Variants in NPLOC4 observed in about 807,000 individuals in gnomAD.
The protein encoded by NPLOC4 is nuclear protein localization protein 4 homolog.
A neutral mutation model predicts 80.6 loss-of-function variants in NPLOC4; 18 were observed. That is an observed-to-expected ratio of 0.22 (90% CI 0.15 to 0.33). NPLOC4 has a LOEUF of 0.33. NPLOC4 is among the 10% of genes least tolerant of loss of function. The pLI, the probability that NPLOC4 is intolerant of heterozygous loss-of-function variation, is 1.00. For synonymous variants in NPLOC4, 313 were observed against 301.5 expected (o/e 1.04, Z -0.39); for missense variants, 540 against 786.1 (o/e 0.69, Z 3.74).
At chr17:81,606,481 G>A (rs2035207052) in intron 7 of NPLOC4, among the ~76,000 whole-genome samples, 1 of 152,134 alleles carries the variant, frequency 6.6e-6, no homozygotes. Flanking sequence ...ACAGAGAACT[G>A]AGGGCGCGCA....
intron 8 of NPLOC4, among the ~76,000 whole-genome samples, chr17:81,603,964 T>C (rs796498366): frequency 1.7e-4 from 26 of 152,288 alleles, no homozygotes; most frequent in African/African-American, 5.5e-4. Flanking sequence ...AGAAATACAA[T>C]GTGTAACTAG....
At chr17:81,629,000 T>G (rs143588599) in intron 2 of NPLOC4, among the ~76,000 whole-genome samples, 1,565 of 150,872 alleles carry the variant, frequency 0.01, 20 homozygotes, top group South Asian at 0.016. Flanking sequence ...TGCCTCAGCC[T>G]CACCAGCAGC....
chr17:81,587,457 A>C (rs2034611899), intron 12 of NPLOC4, among the ~76,000 whole-genome samples: 1 of 151,574 alleles, frequency 6.6e-6, no homozygotes, highest in Non-Finnish European at 1.5e-5. Flanking sequence ...CTGGAACTAC[A>C]GGCGCCTGCC....
chr17:81,636,976 C>T lies in NPLOC4; in HGVS notation c.-46G>A. The T allele has an allele frequency of 1.6e-6, 2 of 1,234,112 alleles. No individual in the cohort carries two copies. 76.4% of individuals were successfully genotyped at this position (1,234,112 alleles called of 1,614,324 possible). A position where few individuals can be genotyped will look rare whatever the true frequency, so the allele number is the denominator to read the frequency against. On this transcript the variant is annotated 5_prime_UTR_variant, in exon 1 of 17. Transcript: ENST00000331134. ...GGCTCGAGCCCCGGGCCGCCGCCGCCTGCCGCCCCAAGGGCCTCGCAGACC... is the reference window on the plus strand; with the variant it reads ...GGCTCGAGCCCCGGGCCGCCGCCGCTTGCCGCCCCAAGGGCCTCGCAGACC...
chr17:81,576,239 A>G (rs1442533697), intron 12 of NPLOC4, among the ~76,000 whole-genome samples: 1 of 152,256 alleles, frequency 6.6e-6, no homozygotes, highest in East Asian at 1.9e-4. Flanking sequence ...AAATAAAATT[A>G]AATCCTAAAA....
intron 13 of NPLOC4, among the ~76,000 whole-genome samples, chr17:81,570,268 A>T (rs902524473): frequency 2.0e-5 from 3 of 151,950 alleles, no homozygotes; most frequent in Non-Finnish European, 4.4e-5. Flanking sequence ...GCCTCACTTT[A>T]CTCTTCCTCA....
chr17:81,620,491 G>A (rs1293605371), intron 3 of NPLOC4, among the ~76,000 whole-genome samples: 4 of 152,170 alleles, frequency 2.6e-5, no homozygotes, highest in East Asian at 1.9e-4. Flanking sequence ...GCGAGACTCC[G>A]TCTCAAAAAA....
intron 1 of NPLOC4, among the ~76,000 whole-genome samples, chr17:81,632,478 A>G (rs566621757): frequency 1.3e-5 from 2 of 151,750 alleles, no homozygotes; most frequent in South Asian, 4.2e-4. Context: ...ACGCCTGGCT[A>G]ATTTTTAGTA....
chr17:81,574,935 A>G (rs916209544), intron 12 of NPLOC4, among the ~76,000 whole-genome samples: 2 of 152,204 alleles, frequency 1.3e-5, no homozygotes, highest in African/African-American at 4.8e-5. Flanking sequence ...TGCCAGGACA[A>G]CAGTGAATTC....
intron 7 of NPLOC4, among the ~76,000 whole-genome samples, chr17:81,605,280 C>CCA (rs2035173713): frequency 1.1e-5 from 1 of 93,440 alleles, no homozygotes. Context: ...AACTCCATCT[C>CCA]AAAAAAAAAA....
At chr17:81,589,683 G>A (rs2034683298) in intron 11 of NPLOC4, among the ~76,000 whole-genome samples, 1 of 151,842 alleles carries the variant, frequency 6.6e-6, no homozygotes, top group South Asian at 2.1e-4. Flanking sequence ...TGAGAATCTG[G>A]AAATCAAGAC....
At position 81,559,384 on chromosome 17, in the gene NPLOC4, C is replaced by T; in HGVS notation, c.1702G>A (p.Glu568Lys). The T allele has an allele frequency of 6.2e-7, 1 of 1,610,594 alleles. No homozygotes were observed. Among genetic ancestry groups the T allele is most frequent in the Non-Finnish European group, 8.5e-7 (1 of 1,178,670 alleles). Residue 568 changes from glutamate (E) to lysine (K), a missense_variant, in exon 17 of 17, where the codon GAG becomes AAG. Physicochemically the swap from Glu to Lys is moderately conservative, Grantham distance 56. Coordinates refer to ENST00000331134, the MANE Select transcript of NPLOC4 (RefSeq NM_017921.4). The part of the protein sequence containing the change: ...TVGGQLPGLH[E>K]YGAVGGSTHT... ...GTGGAGCCCCCGACGGCGCCGTACT[C>T]ATGGAGACCTGGGAGCTGCCCGCCA... is the stretch of plus-strand genomic sequence containing the variant.
Position 81,588,946 on chromosome 17 carries a change from T to G in NPLOC4, c.1279A>C (p.Lys427Gln), listed in dbSNP as rs2034661283. ...TCTTTTTCTTACCATACTTTTACCT[T>G]ATAAAACACATCAGGCACGTACTGC... is the stretch of plus-strand genomic sequence containing the variant. Reference protein sequence around the residue: ...SEQYVPDVFYKDVDKFGNEIT... With the variant: ...SEQYVPDVFYQDVDKFGNEIT... Residue 427 changes from lysine (K) to glutamine (Q), a missense_variant and splice_region_variant, in exon 12 of 17, where the codon AAG (lysine) becomes CAG (glutamine). Coordinates refer to ENST00000331134, the MANE Select transcript of NPLOC4 (RefSeq NM_017921.4). 1 of 1,612,048 alleles carries G rather than the reference T, an allele frequency of 6.2e-7. No homozygotes were observed. Among genetic ancestry groups the G allele is most frequent in the Non-Finnish European group, 8.5e-7 (1 of 1,179,064 alleles).
At chr17:81,618,751 G>A (rs1434835039) in intron 3 of NPLOC4, among the ~76,000 whole-genome samples, 1 of 151,790 alleles carries the variant, frequency 6.6e-6, no homozygotes, top group South Asian at 2.1e-4. Context: ...TGGCAGTTTT[G>A]TGGAATAGAA....
At chr17:81,596,267 A>G in intron 10 of NPLOC4, 25 bp from the exon 11 acceptor site, 1 of 1,591,622 alleles carries the variant, frequency 6.3e-7, no homozygotes, top group Non-Finnish European at 8.6e-7. Context: ...GCAGCCTATC[A>G]AATTTTACAG....
At chr17:81,573,029 C>T (rs961708834) in intron 12 of NPLOC4, among the ~76,000 whole-genome samples, 1 of 152,104 alleles carries the variant, frequency 6.6e-6, no homozygotes, top group African/African-American at 2.4e-5. Context: ...GTTCATTAAT[C>T]ATAAAATGAC....
In NPLOC4 at chr17:81,559,396, G is replaced by A. The variant is rs201622340; in HGVS notation, c.1690C>T (p.Pro564Ser). 7.8e-5 allele frequency: 126 copies of A among 1,610,384 alleles called. No homozygotes were observed. Among genetic ancestry groups the A allele is most frequent in the East Asian group, 1.6e-4 (7 of 44,800 alleles). ...ACGGCGCCGTACTCATGGAGACCTG[G>A]GAGCTGCCCGCCAACTGTGCCTGCA... ...QLCSTVGGQLPGLHEYGAVGG... is the reference protein window; with the variant it reads ...QLCSTVGGQLSGLHEYGAVGG... Residue 564 changes from proline (P) to serine (S), a missense_variant, in exon 17 of 17, where the codon CCA (proline) becomes TCA (serine). Physicochemically the swap from Pro to Ser is moderately conservative, Grantham distance 74 (BLOSUM62 -1). Transcript: ENST00000331134.
At chr17:81,605,095 TTTTTTTTGTATTTTA>T (rs924811904) in intron 7 of NPLOC4, among the ~76,000 whole-genome samples, 2 of 151,324 alleles carry the variant, frequency 1.3e-5, no homozygotes, top group African/African-American at 4.8e-5. Flanking sequence ...CCCGTCTCTA[TTTTTTTTGTATTTTA>T]TAAAAATACA....
In NPLOC4 at chr17:81,631,671, G is replaced by A. The variant is rs117526336; in HGVS notation, c.16-1866C>T. ...ACAAAGACCTGCTCCAACCATCCGC[G>A]GGACGGGAAGGAAGGCAGACAGGAA... On this transcript the variant is annotated intron_variant, in intron 1 of 16. Transcript: ENST00000331134. Among the ~76,000 whole-genome samples the A allele has an allele frequency of 2.9e-4, 44 of 152,084 alleles. No homozygotes were observed. In the East Asian group the frequency reaches 6.4e-3, roughly 22 times the overall value.
Sources: gnomAD v4.1 joint callset for allele counts (sites outside exome capture counted in the v4.1 genomes callset) on GRCh38, gnomAD v4.1.1 for gene constraint, MANE v1.5 for transcripts, NCBI Gene and HGNC (gene_info 2026-07-23, HGNC 2026-07-21) for gene names.